KCNG2: variants seen among roughly 807,000 people sequenced by gnomAD.
KCNG2 encodes potassium voltage-gated channel modifier subfamily G member 2, also known as voltage-gated potassium channel regulatory subunit KCNG2.
In KCNG2, 7 loss-of-function variants were observed where a neutral mutation model predicts 12.3. That is an observed-to-expected ratio of 0.57 (90% CI 0.32 to 1.07). KCNG2 has a LOEUF of 1.07. Ranked by LOEUF, KCNG2 falls within the 50% of genes least tolerant of loss-of-function variation. The pLI is 0.04. For missense variants in KCNG2, 703 were observed against 726.0 expected (o/e 0.97, Z 0.36); for synonymous variants, 414 against 351.4 (o/e 1.18, Z -1.99).
At chr18:79,832,045 C>CG (rs1427739648) in intron 1 of KCNG2, among the ~76,000 whole-genome samples, 1 of 152,172 alleles carries the variant, frequency 6.6e-6, no homozygotes, top group Non-Finnish European at 1.5e-5. Flanking sequence ...TAGGCACCCC[C>CG]GGGCAGAGCA....
At chr18:79,851,182 G>A (rs1978803694) in intron 1 of KCNG2, among the ~76,000 whole-genome samples, 1 of 152,242 alleles carries the variant, frequency 6.6e-6, no homozygotes, top group South Asian at 2.1e-4. Flanking sequence ...CAAAAAAAAA[G>A]ATCATAGGGA....
intron 3 of KCNG2, among the ~76,000 whole-genome samples, chr18:79,888,759 C>T (rs1014087368): frequency 6.6e-6 from 1 of 152,164 alleles, no homozygotes; most frequent in Non-Finnish European, 1.5e-5. Context: ...ACTGCAATCT[C>T]CACCTCCCAG....
intron 1 of KCNG2, among the ~76,000 whole-genome samples, chr18:79,855,062 T>C (rs376309651): frequency 5.3e-5 from 8 of 152,232 alleles, no homozygotes; most frequent in African/African-American, 1.9e-4. Flanking sequence ...TTTTTTGTAA[T>C]GTCTTTGCTT....
intron 1 of KCNG2, among the ~76,000 whole-genome samples, chr18:79,823,025 C>T (rs1030845247): frequency 6.6e-6 from 1 of 152,200 alleles, no homozygotes; most frequent in South Asian, 2.1e-4. Flanking sequence ...CATGGGGAGA[C>T]AGCCTTAGTT....
chr18:79,865,969 A>T lies in KCNG2; in HGVS notation c.624+1678A>T, dbSNP rs866072077. On this transcript the variant is annotated intron_variant, in intron 3 of 3. Coordinates refer to ENST00000316249, the MANE Select transcript of KCNG2 (RefSeq NM_012283.2). ...GCTGAGAGGTCTGTGTGCTGAGAGGACTGTGTGCCGAGGTCTGGGTGCTGA... is the reference window on the plus strand; with the variant it reads ...GCTGAGAGGTCTGTGTGCTGAGAGGTCTGTGTGCCGAGGTCTGGGTGCTGA... 9.1e-3 allele frequency among the ~76,000 whole-genome samples: 251 copies of T among 27,656 alleles called. No individual in the cohort carries two copies. In the Middle Eastern group the frequency reaches 0.095, roughly 10 times the overall value. The allele number at this position is 27,656 out of a possible 152,430, so 18.1% of individuals were successfully genotyped here.
chr18:79,807,123 G>A (rs1162855333), intron 1 of KCNG2, among the ~76,000 whole-genome samples: 4 of 152,342 alleles, frequency 2.6e-5, no homozygotes, highest in South Asian at 4.1e-4. Context: ...TCTGGCCAGC[G>A]AGGGTCAGCA....
rs1472800573 is a variant in KCNG2, at chr18:79,831,590, GCGTACAGAGCCTTCGTC to G, written c.-114-24788_-114-24772del. On this transcript the variant is annotated intron_variant, in intron 1 of 3. Coordinates refer to ENST00000316249, the MANE Select transcript of KCNG2 (RefSeq NM_012283.2). ...AGAGCCTTCGTCAGGAGCGTGCCCT[GCGTACAGAGCCTTCGTC>G]AGGAGCGTGCCCTGCGTACAGAGCC... Among the ~76,000 whole-genome samples the G allele has an allele frequency of 1.3e-3, 159 of 123,284 alleles. 8 individuals are homozygous for G. Among genetic ancestry groups the G allele is most frequent in the Admixed American group, 2.1e-3 (25 of 11,986 alleles). The allele number at this position is 123,284 out of a possible 152,430, so 80.9% of individuals were successfully genotyped here.
chr18:79,842,781 A>G (rs1978501840), intron 1 of KCNG2, among the ~76,000 whole-genome samples: 1 of 152,208 alleles, frequency 6.6e-6, no homozygotes, highest in South Asian at 2.1e-4. Flanking sequence ...AGAATCAGCA[A>G]TCTCAAAGAT....
At chr18:79,805,317 C>A (rs1568240751) in intron 1 of KCNG2, among the ~76,000 whole-genome samples, 1 of 152,312 alleles carries the variant, frequency 6.6e-6, no homozygotes, top group East Asian at 1.9e-4. Context: ...TGGCTTTTTG[C>A]TGTAAAAGTG....
intron 1 of KCNG2, among the ~76,000 whole-genome samples, chr18:79,813,150 A>G (rs1253061667): frequency 6.6e-6 from 1 of 152,236 alleles, no homozygotes; most frequent in African/African-American, 2.4e-5. Flanking sequence ...GTGAGACTCC[A>G]TCTTAAAATA....
At chr18:79,861,616 G>A (rs1979225175) in intron 2 of KCNG2, among the ~76,000 whole-genome samples, 1 of 152,162 alleles carries the variant, frequency 6.6e-6, no homozygotes, top group Non-Finnish European at 1.5e-5. Context: ...CAGTGTGGAT[G>A]TCTTTGAATT....
intron 1 of KCNG2, among the ~76,000 whole-genome samples, chr18:79,839,921 A>C (rs1162093611): frequency 6.6e-6 from 1 of 152,186 alleles, no homozygotes; most frequent in Non-Finnish European, 1.5e-5. Flanking sequence ...TTTAAATAAC[A>C]CCTCTTTTGA....
At chr18:79,830,243 C>G (rs1439067530) in intron 1 of KCNG2, among the ~76,000 whole-genome samples, 3 of 152,146 alleles carry the variant, frequency 2.0e-5, no homozygotes, top group Non-Finnish European at 4.4e-5. Flanking sequence ...AACACACCTC[C>G]CCTGAAAGCA....
intron 1 of KCNG2, chr18:79,816,229 C>G (rs976429855): frequency 1.2e-4 from 18 of 152,344 alleles, no homozygotes; most frequent in African/African-American, 4.3e-4. Flanking sequence ...GGTGTCCTTG[C>G]TGACAGGGTA....
intron 3 of KCNG2, among the ~76,000 whole-genome samples, chr18:79,874,196 G>A (rs181034156): frequency 1.4e-4 from 21 of 152,340 alleles, no homozygotes; most frequent in East Asian, 3.9e-4. Context: ...TTTGTTGGCC[G>A]ATTGAAGAAA....
rs769968695 is a variant in KCNG2 at position 79,899,253 on chromosome 18, C to G, written c.838C>G (p.Leu280Val). Residue 280 changes from leucine (L) to valine (V), a missense_variant, in exon 4 of 4, where the codon CTG becomes GTG. Transcript: ENST00000316249. Reference protein sequence around the residue: ...LAAGPGGTKLLERAGLVLRLL... With the variant: ...LAAGPGGTKLVERAGLVLRLL... The stretch of plus-strand genomic sequence containing the variant: ...GGCAGGCCCGGGCGGGACCAAGCTC[C>G]TGGAGCGCGCGGGGCTGGTGCTGCG... 3 of 1,593,082 alleles carry G rather than the reference C, an allele frequency of 1.9e-6. No individual in the cohort carries two copies. The highest frequency in any genetic ancestry group is 3.4e-5 in the Admixed American group (2 of 59,224).
intron 3 of KCNG2, among the ~76,000 whole-genome samples, chr18:79,864,804 T>C (rs1979394321): frequency 6.7e-6 from 1 of 148,868 alleles, no homozygotes; most frequent in African/African-American, 2.5e-5. Flanking sequence ...GGTGCTGAGG[T>C]CTGTGTGCTG....
intron 3 of KCNG2, among the ~76,000 whole-genome samples, chr18:79,870,168 C>A (rs1405441297): frequency 6.6e-6 from 1 of 152,256 alleles, no homozygotes; most frequent in African/African-American, 2.4e-5. Context: ...CTTCTCCCCA[C>A]CGTCTGCTCC....
At chr18:79,892,985 T>A (rs1156711132) in intron 3 of KCNG2, among the ~76,000 whole-genome samples, 3 of 152,054 alleles carry the variant, frequency 2.0e-5, no homozygotes, top group Non-Finnish European at 4.4e-5. Flanking sequence ...TGGGTCTGTG[T>A]CTGCTTTTGA....
Sources: gnomAD v4.1 joint callset for allele counts (sites outside exome capture counted in the v4.1 genomes callset) on GRCh38, gnomAD v4.1.1 for gene constraint, MANE v1.5 for transcripts, NCBI Gene and HGNC (gene_info 2026-07-23, HGNC 2026-07-21) for gene names.